Variants in RXRA observed in about 807,000 individuals in gnomAD.
RXRA encodes retinoic acid receptor RXR-alpha.
In RXRA, 5 loss-of-function variants were observed where a neutral mutation model predicts 44.5. That is an observed-to-expected ratio of 0.11 (90% CI 0.06 to 0.24). The LOEUF is 0.24. Ranked by LOEUF, RXRA falls within the 10% of genes least tolerant of loss-of-function variation. RXRA has a pLI of 1.00. For missense variants in RXRA, 412 were observed against 646.5 expected (o/e 0.64, Z 3.93); for synonymous variants, 291 against 271.4 (o/e 1.07, Z -0.71).
intron 4 of RXRA, among the ~76,000 whole-genome samples, chr9:134,411,149 G>C (rs35017552): frequency 0.061 from 9,346 of 152,218 alleles, 930 homozygotes; most frequent in African/African-American, 0.21. Flanking sequence ...CTCGGAAGTC[G>C]GTGATGGCCT....
intron 1 of RXRA, among the ~76,000 whole-genome samples, chr9:134,386,249 C>G (rs566881366): frequency 1.3e-5 from 2 of 152,370 alleles, no homozygotes; most frequent in South Asian, 4.1e-4. Flanking sequence ...GCTGTGGGAC[C>G]CTGAGCCCGC....
chr9:134,333,905 A>G (rs1383355510), intron 1 of RXRA, among the ~76,000 whole-genome samples: 1 of 151,946 alleles, frequency 6.6e-6, no homozygotes. Flanking sequence ...TTCCCTCTCC[A>G]CCTGTGCAGG....
chr9:134,398,095 T>C (rs1364641206), intron 1 of RXRA, among the ~76,000 whole-genome samples: 1 of 152,204 alleles, frequency 6.6e-6, no homozygotes, highest in African/African-American at 2.4e-5. Context: ...TTCTCCTGTC[T>C]CAGCCTCCCA....
intron 1 of RXRA, among the ~76,000 whole-genome samples, chr9:134,385,735 T>A (rs150556240): frequency 1.3e-3 from 200 of 152,320 alleles, no homozygotes; most frequent in African/African-American, 4.6e-3. Context: ...TTTCCAGCAC[T>A]CCTGCATGCC....
chr9:134,341,815 G>A (rs1224166596), intron 1 of RXRA, among the ~76,000 whole-genome samples: 1 of 152,192 alleles, frequency 6.6e-6, no homozygotes, highest in African/African-American at 2.4e-5. Context: ...TTGGCCTGAG[G>A]TTGGAGTTTG....
chr9:134,422,812 A>T, intron 6 of RXRA: 1 of 985,396 alleles, frequency 1.0e-6, no homozygotes, highest in Non-Finnish European at 1.2e-6. Context: ...CAGAGAGGTA[A>T]TGGGCTGTCG....
chr9:134,417,875 C>T lies in RXRA; in HGVS notation c.780+548C>T, dbSNP rs1481195970. Among the ~76,000 whole-genome samples the T allele has an allele frequency of 6.6e-6, 1 of 152,076 alleles. No individual in the cohort carries two copies. Among genetic ancestry groups the T allele is most frequent in the Non-Finnish European group, 1.5e-5 (1 of 67,980 alleles). On this transcript the variant is annotated intron_variant, in intron 5 of 9. Coordinates refer to ENST00000481739, the MANE Select transcript of RXRA (RefSeq NM_002957.6). This position sits in a 1 kb window ranked among gnomAD's most constrained non-coding sequence, Gnocchi z 6.1. ...AGCTGGTCACCCCCATGCTGACCCTCCTGCCCCCTCCCACCCCAACAGCCT... is the reference window on the plus strand; with the variant it reads ...AGCTGGTCACCCCCATGCTGACCCTTCTGCCCCCTCCCACCCCAACAGCCT...
chr9:134,378,037 G>A (rs1032283477), intron 1 of RXRA, among the ~76,000 whole-genome samples: 1 of 152,256 alleles, frequency 6.6e-6, no homozygotes, highest in African/African-American at 2.4e-5. Context: ...TGGAGTGGTG[G>A]CCATGGGGGC....
chr9:134,382,606 G>T (rs1830662713), intron 1 of RXRA, among the ~76,000 whole-genome samples: 1 of 152,178 alleles, frequency 6.6e-6, no homozygotes, highest in Non-Finnish European at 1.5e-5. Flanking sequence ...ATGGGGTGCT[G>T]GGGTGTGGAT....
intron 1 of RXRA, among the ~76,000 whole-genome samples, chr9:134,350,787 CCT>C (rs1370800094): frequency 6.6e-6 from 1 of 152,384 alleles, no homozygotes; most frequent in African/African-American, 2.4e-5. Context: ...TTCCTCCCCA[CCT>C]GTCCCCACTG....
intron 1 of RXRA, among the ~76,000 whole-genome samples, chr9:134,387,915 C>A (rs1830743438): frequency 6.6e-6 from 1 of 152,168 alleles, no homozygotes; most frequent in Admixed American, 6.5e-5. Flanking sequence ...AAAGCCCCAG[C>A]CTCTTGCAGC....
At chr9:134,334,118 G>C (rs1216193483) in intron 1 of RXRA, among the ~76,000 whole-genome samples, 2 of 152,270 alleles carry the variant, frequency 1.3e-5, no homozygotes, top group Non-Finnish European at 2.9e-5. Context: ...TCCCACGCCT[G>C]TGTTAGGTGT....
Position 134,421,659 on chromosome 9 carries a change from T to C in RXRA, c.781-17T>C, listed in dbSNP as rs776584932. ...GCTTCTGGGACTGAATGTCCTGCTC[T>C]TCTTCCTCCACTGCAGCCGAACGAC... On this transcript the variant is annotated splice_polypyrimidine_tract_variant and intron_variant, in intron 5 of 9. Coordinates refer to ENST00000481739, the MANE Select transcript of RXRA (RefSeq NM_002957.6). 6.4e-7 allele frequency: 1 copy of C among 1,553,716 alleles called. No individual in the cohort carries two copies. The highest frequency in any genetic ancestry group is 8.7e-7 in the Non-Finnish European group (1 of 1,145,368).
In RXRA at chr9:134,369,757, G is replaced by A. The variant is rs150799132; in HGVS notation, c.29-31875G>A. Among the ~76,000 whole-genome samples, 1,371 of 152,226 alleles carry A rather than the reference G, an allele frequency of 9.0e-3. 9 individuals carry two copies. Among genetic ancestry groups the A allele is most frequent in the Non-Finnish European group, 0.015 (1,010 of 67,994 alleles). Reference sequence around the variant, plus strand: ...TATCCTGTCTCAGAGCTGCCTTGGTGCACCCTCCCACAGCCTCACATTTGG... The same window carrying A: ...TATCCTGTCTCAGAGCTGCCTTGGTACACCCTCCCACAGCCTCACATTTGG... On this transcript the variant is annotated intron_variant, in intron 1 of 9. Transcript: ENST00000481739.
In RXRA at chr9:134,342,921, A is replaced by G. The variant is rs1554748270; in HGVS notation, c.28+16262A>G. On this transcript the variant is annotated intron_variant, in intron 1 of 9. Transcript: ENST00000481739. The surrounding 1 kb of genome is among the most constrained non-coding windows in gnomAD (Gnocchi z 4.4). Reference sequence around the variant, plus strand: ...GGGTGGCATGACTGCGGATGCAGGCACGTGTGGGTGCTGGGGATTGTCTGG... The same window carrying G: ...GGGTGGCATGACTGCGGATGCAGGCGCGTGTGGGTGCTGGGGATTGTCTGG... 1.3e-5 allele frequency among the ~76,000 whole-genome samples: 2 copies of G among 152,146 alleles called. No individual in the cohort carries two copies. The highest frequency in any genetic ancestry group is 1.3e-4 in the Admixed American group (2 of 15,284).
chr9:134,347,893 C>T (rs1352474592), intron 1 of RXRA, among the ~76,000 whole-genome samples: 3 of 152,136 alleles, frequency 2.0e-5, no homozygotes, highest in Non-Finnish European at 4.4e-5. Flanking sequence ...GAGCATCCTT[C>T]AGAGGCCGTG....
intron 7 of RXRA, among the ~76,000 whole-genome samples, chr9:134,430,153 T>C (rs34310157): frequency 9.2e-5 from 14 of 152,234 alleles, no homozygotes; most frequent in African/African-American, 3.4e-4. Context: ...CCCAAAGTGC[T>C]GGGATTACAG....
Position 134,390,132 on chromosome 9 carries a change from C to T in RXRA, c.29-11500C>T, listed in dbSNP as rs1218622866. ...GCATTCCCCGGCAGGATTTTTCTCT[C>T]GGCCTCCTGGGTCGGCATCTCCTTG... On this transcript the variant is annotated intron_variant, in intron 1 of 9. Coordinates refer to ENST00000481739, the MANE Select transcript of RXRA (RefSeq NM_002957.6). 2.0e-5 allele frequency among the ~76,000 whole-genome samples: 3 copies of T among 152,282 alleles called. No homozygotes were observed. The East Asian group carries it at 5.8e-4, about 29-fold the overall frequency.
intron 1 of RXRA, among the ~76,000 whole-genome samples, chr9:134,348,114 G>C (rs1830176849): frequency 6.6e-6 from 1 of 152,164 alleles, no homozygotes; most frequent in Non-Finnish European, 1.5e-5. Context: ...GCACAGTGGT[G>C]CTGTTTCTAG....
Sources: allele counts gnomAD v4.1 joint callset (sites outside exome capture counted in the v4.1 genomes callset), GRCh38; gene constraint gnomAD v4.1.1; non-coding constraint Gnocchi (gnomAD v3.1); transcripts MANE v1.5; gene names NCBI Gene and HGNC (gene_info 2026-07-23, HGNC 2026-07-21).